Variants in MPP2 observed in about 807,000 individuals in gnomAD.
MPP2 encodes the protein MAGUK p55 subfamily member 2.
A neutral mutation model predicts 58.5 loss-of-function variants in MPP2; 42 were observed. The ratio of observed to expected loss-of-function variants is 0.72; its 90% CI spans 0.56 to 0.93. The LOEUF (loss-of-function observed/expected upper bound fraction) is 0.93. Ranked by LOEUF, MPP2 falls within the 40% of genes least tolerant of loss-of-function variation. The pLI is 0.00. For missense variants in MPP2, 632 were observed against 760.4 expected (o/e 0.83, Z 1.99); for synonymous variants, 300 against 307.8 (o/e 0.97, Z 0.26).
Position 43,891,877 on chromosome 17 carries a change from C to A in MPP2, c.150+6385G>T, listed in dbSNP as rs564660222. On this transcript the variant is annotated intron_variant, in intron 3 of 12. Coordinates refer to ENST00000269095, the MANE Select transcript of MPP2 (RefSeq NM_005374.5). ...GACTCCAAGCCCTGTGTTCTTTCTTCTTCATCTCATGTGAATTAGTTCACA... is the reference window on the plus strand; with the variant it reads ...GACTCCAAGCCCTGTGTTCTTTCTTATTCATCTCATGTGAATTAGTTCACA... 7.2e-5 allele frequency among the ~76,000 whole-genome samples: 11 copies of A among 152,342 alleles called. No individual in the cohort carries two copies. In the East Asian group the frequency reaches 2.1e-3, roughly 29 times the overall value.
chr17:43,890,850 TTCCCAGCTAAGA>T (rs1028506052), intron 3 of MPP2, among the ~76,000 whole-genome samples: 4 of 152,122 alleles, frequency 2.6e-5, no homozygotes, highest in African/African-American at 9.7e-5. Flanking sequence ...CATTGCAGTT[TTCCCAGCTAAGA>T]CACCAGACAT....
Position 43,880,163 on chromosome 17 carries a change from CACAG to C in MPP2, c.1151-183_1151-180del, listed in dbSNP as rs2047043618. On this transcript the variant is annotated intron_variant, in intron 10 of 12. Transcript: ENST00000269095. The surrounding 1 kb of genome is among the most constrained non-coding windows in gnomAD (Gnocchi z 5.2). ...GCCCCCCACTCTCCCCATTGGCACA[CACAG>C]AGACATGAGCTGGTAATCATGGTCC... Among the ~76,000 whole-genome samples, 1 of 152,116 alleles carries C rather than the reference CACAG, an allele frequency of 6.6e-6. No individual in the cohort carries two copies. The highest frequency in any genetic ancestry group is 2.4e-5 in the African/African-American group (1 of 41,408).
chr17:43,909,090 G>A (rs1291595591), upstream of MPP2, among the ~76,000 whole-genome samples: 4 of 152,004 alleles, frequency 2.6e-5, no homozygotes, highest in South Asian at 2.1e-4. Context: ...TTTTGAGACG[G>A]AGTTTCGCTC....
chr17:43,899,683 T>C (rs964609720), intron 2 of MPP2, among the ~76,000 whole-genome samples: 14 of 152,010 alleles, frequency 9.2e-5, no homozygotes, highest in Admixed American at 7.9e-4. Context: ...ACCCAAAGGC[T>C]GAGGTCACAC....
At chr17:43,881,388 G>A in intron 7 of MPP2, 39 bp from the exon 8 acceptor site, 3 of 1,614,038 alleles carry the variant, frequency 1.9e-6, no homozygotes, top group Non-Finnish European at 1.7e-6. Context: ...CTGAGCAAGA[G>A]GACCCCTCCC....
At chr17:43,900,365 C>G in intron 2 of MPP2, 1 of 1,349,808 alleles carries the variant, frequency 7.4e-7, no homozygotes, top group Non-Finnish European at 1.0e-6. Flanking sequence ...AAGGTGCCCT[C>G]AGATGACCTC....
intron 1 of MPP2, among the ~76,000 whole-genome samples, chr17:43,905,746 C>T (rs1291912800): frequency 1.3e-5 from 2 of 152,114 alleles, no homozygotes; most frequent in Admixed American, 1.3e-4. Context: ...TCCACCTCCC[C>T]CCAAAAGAGG....
intron 3 of MPP2, among the ~76,000 whole-genome samples, chr17:43,891,935 T>C (rs1268062307): frequency 6.6e-6 from 1 of 152,116 alleles, no homozygotes; most frequent in Non-Finnish European, 1.5e-5. Context: ...CTGTCCCCAT[T>C]AGTAACAATT....
intron 3 of MPP2, among the ~76,000 whole-genome samples, chr17:43,896,628 C>T (rs953397584): frequency 4.6e-5 from 7 of 152,208 alleles, no homozygotes; most frequent in South Asian, 4.1e-4. Context: ...CAGGCCAGCA[C>T]GTGCCCTGGA....
At chr17:43,885,956 A>C (rs2047349353) in intron 3 of MPP2, among the ~76,000 whole-genome samples, 1 of 151,948 alleles carries the variant, frequency 6.6e-6, no homozygotes, top group African/African-American at 2.4e-5. Context: ...CCAAAAATAC[A>C]AAATTAGCCG....
chr17:43,907,768 C>G (rs2048350787), upstream of MPP2: 5 of 985,374 alleles, frequency 5.1e-6, no homozygotes, highest in African/African-American at 1.7e-5. Flanking sequence ...AGGACTGGTA[C>G]CAGTACCCGC....
chr17:43,904,432 G>A lies in MPP2; in HGVS notation c.29C>T (p.Thr10Ile), dbSNP rs757599581. 6.2e-7 allele frequency: 1 copy of A among 1,613,994 alleles called. No individual in the cohort carries two copies. Among genetic ancestry groups the A allele is most frequent in the Non-Finnish European group, 8.5e-7 (1 of 1,179,876 alleles). Reference sequence around the variant, plus strand: ...TAACATCCTCACCCCCTTCTTACCAGTTTCAGAGTTGGTGGCGGCAACCGG... The same window carrying A: ...TAACATCCTCACCCCCTTCTTACCAATTTCAGAGTTGGTGGCGGCAACCGG... The part of the protein sequence containing the change: MPVAATNSE[T>I]AMQQVLDNLG... Residue 10 changes from threonine (T) to isoleucine (I), a missense_variant and splice_region_variant, in exon 2 of 13, where the codon ACT (threonine) becomes ATT (isoleucine). Coordinates refer to ENST00000269095, the MANE Select transcript of MPP2 (RefSeq NM_005374.5).
intron 3 of MPP2, among the ~76,000 whole-genome samples, chr17:43,889,926 C>T (rs8079816): frequency 0.051 from 7,609 of 150,446 alleles, 689 homozygotes; most frequent in African/African-American, 0.18. Context: ...CATTCTCCTG[C>T]CTCAGCCTCC....
intron 12 of MPP2, among the ~76,000 whole-genome samples, chr17:43,878,981 ACT>A (rs2046974929): frequency 6.6e-6 from 1 of 151,790 alleles, no homozygotes; most frequent in Non-Finnish European, 1.5e-5. Context: ...GCCCTCGGGA[ACT>A]CTCTCTGGCC....
intron 2 of MPP2, among the ~76,000 whole-genome samples, chr17:43,901,807 G>GA (rs1473539434): frequency 6.6e-6 from 1 of 152,142 alleles, no homozygotes; most frequent in Non-Finnish European, 1.5e-5. Flanking sequence ...CAAGTCTCAG[G>GA]AAAAGGGCCC....
upstream of MPP2, among the ~76,000 whole-genome samples, chr17:43,909,231 T>A (rs146141855): frequency 3.9e-3 from 590 of 152,198 alleles, 4 homozygotes; most frequent in African/African-American, 0.013. Flanking sequence ...CATGCCTGGC[T>A]AATTTTGTAT....
At chr17:43,907,122 T>G in intron 1 of MPP2, 1 of 965,854 alleles carries the variant, frequency 1.0e-6, no homozygotes, top group Non-Finnish European at 1.2e-6. Flanking sequence ...AACAGCACGG[T>G]TCTTACGTAA....
chr17:43,888,964 T>C (rs1252779376), intron 3 of MPP2, among the ~76,000 whole-genome samples: 1 of 152,172 alleles, frequency 6.6e-6, no homozygotes, highest in Non-Finnish European at 1.5e-5. Context: ...TCTCACTCTG[T>C]AGTCCAAATT....
chr17:43,902,296 C>T lies in MPP2; in HGVS notation c.31+2134G>A, dbSNP rs372592475. Among the ~76,000 whole-genome samples the T allele has an allele frequency of 6.6e-5, 10 of 152,238 alleles. No individual in the cohort carries two copies. The East Asian group carries it at 1.2e-3, about 18-fold the overall frequency. On this transcript the variant is annotated intron_variant, in intron 2 of 12. Transcript: ENST00000269095. ...CCCTGTCCCCCATCCTCCCCCACCA[C>T]GCCCCCATCAAGTGGTCTGCAACAA... is the stretch of plus-strand genomic sequence containing the variant.
Sources: gnomAD v4.1 joint callset for allele counts (sites outside exome capture counted in the v4.1 genomes callset) on GRCh38, gnomAD v4.1.1 for gene constraint, Gnocchi (gnomAD v3.1) non-coding constraint, MANE v1.5 for transcripts, NCBI Gene and HGNC (gene_info 2026-07-23, HGNC 2026-07-21) for gene names.